Variants in HS3ST1 observed in about 807,000 individuals in gnomAD.
HS3ST1 encodes the protein heparan sulfate-glucosamine 3-sulfotransferase 1.
A neutral mutation model predicts 20.7 loss-of-function variants in HS3ST1; 8 were observed. The observed-to-expected ratio is 0.39, with a 90% CI of 0.23 to 0.70. The LOEUF is 0.70. Ranked by LOEUF, HS3ST1 falls within the 30% of genes least tolerant of loss-of-function variation. The probability of loss-of-function intolerance (pLI) is 0.46; values close to 1 mark genes in which losing one functional copy is unlikely to be tolerated. For synonymous variants in HS3ST1, 205 were observed against 190.4 expected (o/e 1.08, Z -0.63); for missense variants, 436 against 423.4 (o/e 1.03, Z -0.26).
upstream of HS3ST1, among the ~76,000 whole-genome samples, chr4:11,434,307 A>G (rs1001191264): frequency 6.6e-6 from 1 of 152,188 alleles, no homozygotes; most frequent in Admixed American, 6.5e-5. Flanking sequence ...AAATTAATTT[A>G]ATTTTCTTTT....
intron 1 of HS3ST1, among the ~76,000 whole-genome samples, chr4:11,410,894 AAAATAAAT>A (rs10564680): frequency 6.7e-5 from 10 of 149,890 alleles, no homozygotes; most frequent in East Asian, 2.0e-4. Flanking sequence ...TCCATCTCAA[AAAATAAAT>A]AAATAAATAA....
chr4:11,407,202 A>G (rs1389066669), intron 1 of HS3ST1, among the ~76,000 whole-genome samples: 1 of 152,112 alleles, frequency 6.6e-6, no homozygotes, highest in Admixed American at 6.5e-5. Context: ...ATGGGGTGAA[A>G]AGAGTTTAGG....
chr4:11,424,053 A>C (rs1178300614), intron 1 of HS3ST1, among the ~76,000 whole-genome samples: 4 of 151,702 alleles, frequency 2.6e-5, no homozygotes, highest in Non-Finnish European at 5.9e-5. Context: ...AAAAAAAAAA[A>C]AAAAACATAA....
chr4:11,414,068 C>A (rs1161364558), intron 1 of HS3ST1: 1 of 152,144 alleles, frequency 6.6e-6, no homozygotes, highest in Non-Finnish European at 1.5e-5. Context: ...AACACTGGAT[C>A]TTCCTGGACA....
rs189783818 is a variant in HS3ST1, at chr4:11,405,560, C to G, written c.-108-5447G>C. ...TAGCACATACTAGACATTTTGTTTG[C>G]TGAATGAACTTGTCAAATGCAGTAG... is the stretch of plus-strand genomic sequence containing the variant. On this transcript the variant is annotated intron_variant, in intron 1 of 1. Transcript: ENST00000002596. Among the ~76,000 whole-genome samples the G allele has an allele frequency of 1.5e-3, 232 of 152,210 alleles. 1 individual carries two copies. Among genetic ancestry groups the G allele is most frequent in the African/African-American group, 5.4e-3 (223 of 41,532 alleles).
intron 1 of HS3ST1, among the ~76,000 whole-genome samples, chr4:11,426,365 C>A (rs1030653860): frequency 1.4e-5 from 2 of 141,406 alleles, no homozygotes. Flanking sequence ...CTTCAGAGGC[C>A]CCCCCCCCAA....
At position 11,399,901 on chromosome 4, in the gene HS3ST1, C is replaced by G; in HGVS notation, c.105G>C (p.Gly35=). The G allele has an allele frequency of 6.2e-7, 1 of 1,608,536 alleles. No individual in the cohort carries two copies. The highest frequency in any genetic ancestry group is 2.2e-5 in the East Asian group (1 of 44,722). The change falls in exon 2 of 2, where the codon GGG becomes GGC. Residue 35 remains glycine, a synonymous_variant. Transcript: ENST00000002596. This position sits in a 1 kb window ranked among gnomAD's most constrained non-coding sequence, Gnocchi z 5.1. Reference sequence around the variant, plus strand: ...CATCGCGGACGTCATCCTGGAGGGTCCCCGCTTTCCGCAGAAGCTCCTGCT... The same window carrying G: ...CATCGCGGACGTCATCCTGGAGGGTGCCCGCTTTCCGCAGAAGCTCCTGCT... ...LGQQELLRKA[G]TLQDDVRDGV...
intron 1 of HS3ST1, among the ~76,000 whole-genome samples, chr4:11,426,453 A>AG (rs138947054): frequency 0.093 from 13,368 of 143,378 alleles, 755 homozygotes; most frequent in Middle Eastern, 0.21. Context: ...AGGGGGACCC[A>AG]GGGGGGGGGC....
intron 1 of HS3ST1, among the ~76,000 whole-genome samples, chr4:11,422,484 A>G (rs528379037): frequency 3.9e-5 from 6 of 152,342 alleles, no homozygotes; most frequent in South Asian, 4.1e-4. Flanking sequence ...AATTATTACC[A>G]TGAAAGAAAG....
upstream of HS3ST1, among the ~76,000 whole-genome samples, chr4:11,433,056 C>T (rs866988147): frequency 2.0e-5 from 3 of 152,154 alleles, no homozygotes; most frequent in African/African-American, 4.8e-5. Flanking sequence ...TGATGTTTTC[C>T]TTTATGAATC....
chr4:11,409,908 G>T (rs988476796), intron 1 of HS3ST1, among the ~76,000 whole-genome samples: 2 of 152,188 alleles, frequency 1.3e-5, no homozygotes, highest in African/African-American at 4.8e-5. Context: ...AACTCTGGCA[G>T]ATATTGTCAG....
chr4:11,424,197 A>G (rs12054490), intron 1 of HS3ST1, among the ~76,000 whole-genome samples: 74,851 of 152,092 alleles, frequency 0.49, 20,041 homozygotes, highest in African/African-American at 0.71. Context: ...GCTGCTGAAG[A>G]CATTAGAGTT....
chr4:11,396,498 G>C lies in HS3ST1; in HGVS notation c.*2584C>G, dbSNP rs766732698. 2.6e-5 allele frequency: 4 copies of C among 152,270 alleles called. No individual in the cohort carries two copies. The highest frequency in any genetic ancestry group is 2.1e-4 in the South Asian group (1 of 4,830). The allele number at this position is 152,270 out of a possible 1,614,324, so 9.4% of individuals were successfully genotyped here. A position where few individuals can be genotyped will look rare whatever the true frequency, so the allele number is the denominator to read the frequency against. On this transcript the variant is annotated 3_prime_UTR_variant, in exon 2 of 2. Transcript: ENST00000002596. ...TCTCTGTTAATGGAATTGGTAGAAG[G>C]CATGTTTTGGAGGGACCGGGTGCTA...
chr4:11,426,424 AG>A (rs1719061942), intron 1 of HS3ST1, among the ~76,000 whole-genome samples: 1 of 151,624 alleles, frequency 6.6e-6, no homozygotes, highest in Non-Finnish European at 1.5e-5. Context: ...TAATAAGAAA[AG>A]TACATGCTCC....
intron 1 of HS3ST1, among the ~76,000 whole-genome samples, chr4:11,401,467 C>G (rs1718322705): frequency 6.6e-6 from 1 of 151,936 alleles, no homozygotes; most frequent in Non-Finnish European, 1.5e-5. Flanking sequence ...GCCTCAGTCT[C>G]CCGAGTAGCT....
In HS3ST1 at chr4:11,398,475, G is replaced by C. The variant is rs945627356; in HGVS notation, c.*607C>G. The C allele has an allele frequency of 6.6e-6, 1 of 152,240 alleles. No homozygotes were observed. Among genetic ancestry groups the C allele is most frequent in the Non-Finnish European group, 1.5e-5 (1 of 68,082 alleles). The allele number at this position is 152,240 out of a possible 1,614,324, so 9.4% of individuals were successfully genotyped here. On this transcript the variant is annotated 3_prime_UTR_variant, in exon 2 of 2. Transcript: ENST00000002596. ...AGAGACCTCTAGCCAGTCACTAACT[G>C]CTTCTCCATCCTGAATATTGCTTTG...
At chr4:11,427,945 C>G (rs1297954870) in intron 1 of HS3ST1, among the ~76,000 whole-genome samples, 1 of 152,220 alleles carries the variant, frequency 6.6e-6, no homozygotes, top group African/African-American at 2.4e-5. Flanking sequence ...AGAGGTCAAG[C>G]TCCGCGAATA....
intron 1 of HS3ST1, among the ~76,000 whole-genome samples, chr4:11,413,893 A>G (rs901754263): frequency 2.9e-5 from 4 of 137,822 alleles, no homozygotes; most frequent in African/African-American, 1.1e-4. Flanking sequence ...TCAAAATTGA[A>G]AAAAAAACCA....
At chr4:11,404,270 G>A (rs926889637) in intron 1 of HS3ST1, among the ~76,000 whole-genome samples, 2 of 152,230 alleles carry the variant, frequency 1.3e-5, no homozygotes, top group South Asian at 4.1e-4. Flanking sequence ...GACTGGTCTC[G>A]AACTCCTGAC....
Sources: allele counts gnomAD v4.1 joint callset (sites outside exome capture counted in the v4.1 genomes callset), GRCh38; gene constraint gnomAD v4.1.1; non-coding constraint Gnocchi (gnomAD v3.1); transcripts MANE v1.5; gene names NCBI Gene and HGNC (gene_info 2026-07-23, HGNC 2026-07-21).